The following SDK1 variants were observed in gnomAD, a reference collection of about 807,000 sequenced individuals.
SDK1 encodes sidekick cell adhesion molecule 1.
A neutral mutation model predicts 245.5 loss-of-function variants in SDK1; 157 were observed. The observed-to-expected ratio is 0.64, with a 90% CI of 0.56 to 0.73. The LOEUF (loss-of-function observed/expected upper bound fraction) is 0.73. Ranked by LOEUF, SDK1 falls within the 30% of genes least tolerant of loss-of-function variation. SDK1 has a pLI of 0.00. For synonymous variants in SDK1, 1,647 were observed against 1,278.5 expected (o/e 1.29, Z -6.15); for missense variants, 3,583 against 3,002.3 (o/e 1.19, Z -4.52).
intron 4 of SDK1, among the ~76,000 whole-genome samples, chr7:3,772,533 C>T (rs186495679): frequency 1.3e-5 from 2 of 152,272 alleles, no homozygotes; most frequent in Admixed American, 1.3e-4. Flanking sequence ...TACAATGATA[C>T]TAGCTTTTAG....
intron 35 of SDK1, among the ~76,000 whole-genome samples, chr7:4,203,641 T>C (rs1784021270): frequency 6.6e-6 from 1 of 152,076 alleles, no homozygotes; most frequent in African/African-American, 2.4e-5. Context: ...TCTCCCAAAC[T>C]GCACACGCTT....
chr7:3,965,105 G>A (rs1489672073), intron 9 of SDK1, among the ~76,000 whole-genome samples: 1 of 152,120 alleles, frequency 6.6e-6, no homozygotes, highest in Non-Finnish European at 1.5e-5. Flanking sequence ...GAAGGATGTG[G>A]CCTACTCAGC....
At chr7:3,655,664 G>C (rs1028833143) in intron 4 of SDK1, among the ~76,000 whole-genome samples, 4 of 151,562 alleles carry the variant, frequency 2.6e-5, no homozygotes, top group Middle Eastern at 3.4e-3. Flanking sequence ...ACTTAAAACA[G>C]CACCTGGTCA....
intron 4 of SDK1, among the ~76,000 whole-genome samples, chr7:3,651,727 G>A (rs1450701953): frequency 3.9e-5 from 6 of 152,158 alleles, no homozygotes; most frequent in Non-Finnish European, 7.4e-5. Flanking sequence ...ACATATTATG[G>A]TGTAACTGCA....
intron 5 of SDK1, among the ~76,000 whole-genome samples, chr7:3,890,566 G>T (rs1781435006): frequency 6.6e-6 from 1 of 151,914 alleles, no homozygotes; most frequent in African/African-American, 2.4e-5. Context: ...TATAAGAAAA[G>T]ATAACACTTG....
At position 4,049,347 on chromosome 7, in the gene SDK1, G is replaced by C. The variant is rs2128165721; in HGVS notation, c.2603-1G>C. The C allele has an allele frequency of 6.2e-7, 1 of 1,613,358 alleles. No homozygotes were observed. The highest frequency in any genetic ancestry group is 2.2e-5 in the East Asian group (1 of 44,884). ...TGTCATCAATGACTGCCCTGCCACA[G>C]TGCCCACCGCGCCCCCGCAGAACGT... On this transcript the variant is annotated splice_acceptor_variant, in intron 17 of 44. Transcript: ENST00000404826. LOFTEE classifies it high-confidence loss of function.
chr7:3,340,530 A>G (rs11973959), intron 1 of SDK1, among the ~76,000 whole-genome samples: 21,896 of 152,172 alleles, frequency 0.14, 2,425 homozygotes, highest in African/African-American at 0.31. Flanking sequence ...TGGGAGGCCA[A>G]GGTGGGTGGC....
chr7:4,127,419 G>A lies in SDK1; in HGVS notation c.3862G>A (p.Val1288Ile). 1 of 1,614,226 alleles carries A rather than the reference G, an allele frequency of 6.2e-7. No individual in the cohort carries two copies. The highest frequency in any genetic ancestry group is 8.5e-7 in the Non-Finnish European group (1 of 1,180,030). The change falls in exon 26 of 45, where the codon GTC becomes ATC. Residue 1288 changes from valine (V) to isoleucine (I), a missense_variant. Transcript: ENST00000404826. ...AAPENVSAEA[V>I]SSTQILLTWT... is the part of the protein sequence containing the mutation. ...CCCTGAGAACGTGTCAGCCGAGGCT[G>A]TCAGCTCGACCCAGATTTTACTGAC...
chr7:3,468,917 G>A (rs1781095422), intron 1 of SDK1, among the ~76,000 whole-genome samples: 1 of 152,016 alleles, frequency 6.6e-6, no homozygotes, highest in African/African-American at 2.4e-5. Flanking sequence ...GGGTGAAGGG[G>A]GTAGGTTTCC....
At chr7:3,672,070 G>A (rs1264945234) in intron 4 of SDK1, among the ~76,000 whole-genome samples, 1 of 152,092 alleles carries the variant, frequency 6.6e-6, no homozygotes, top group South Asian at 2.1e-4. Flanking sequence ...CCATGATATG[G>A]GACACAGGGT....
intron 1 of SDK1, among the ~76,000 whole-genome samples, chr7:3,487,024 C>T (rs553320249): frequency 9.9e-5 from 15 of 152,186 alleles, no homozygotes; most frequent in East Asian, 7.7e-4. Context: ...TGTAATGGGC[C>T]GGATGGCTTC....
At chr7:4,186,498 G>A (rs1782902750) in intron 35 of SDK1, among the ~76,000 whole-genome samples, 1 of 152,192 alleles carries the variant, frequency 6.6e-6, no homozygotes, top group South Asian at 2.1e-4. Flanking sequence ...GGAGCCTGTG[G>A]CCTCGTGGTT....
chr7:3,852,488 C>G (rs1277109364), intron 5 of SDK1, among the ~76,000 whole-genome samples: 1 of 151,664 alleles, frequency 6.6e-6, no homozygotes, highest in Admixed American at 6.6e-5. Context: ...TGGCTCACAC[C>G]TGTAATCCCA....
chr7:3,773,797 C>T (rs1780471991), intron 4 of SDK1, among the ~76,000 whole-genome samples: 1 of 152,198 alleles, frequency 6.6e-6, no homozygotes, highest in African/African-American at 2.4e-5. Flanking sequence ...TGAGCCTCTG[C>T]CTTTTGCTGG....
At chr7:3,851,248 C>G (rs1780412027) in intron 5 of SDK1, among the ~76,000 whole-genome samples, 1 of 152,078 alleles carries the variant, frequency 6.6e-6, no homozygotes, top group Admixed American at 6.6e-5. Flanking sequence ...GAGACAATGT[C>G]TTTCTTGAAG....
chr7:3,931,695 A>G (rs903789226), intron 5 of SDK1, among the ~76,000 whole-genome samples: 1 of 152,290 alleles, frequency 6.6e-6, no homozygotes, highest in East Asian at 1.9e-4. Context: ...GATTTGAGCT[A>G]TGCTGGTTAC....
chr7:4,220,203 T>C lies in SDK1; in HGVS notation c.5634T>C (p.Arg1878=). The C allele has an allele frequency of 6.2e-7, 1 of 1,614,064 alleles. No individual in the cohort carries two copies. The highest frequency in any genetic ancestry group is 1.3e-5 in the African/African-American group (1 of 75,030). ...CCAAGGGAGTGACCTATTTCTTCCGTGTCCAAGCGCGGACCATCACCTACG... is the reference window on the plus strand; with the variant it reads ...CCAAGGGAGTGACCTATTTCTTCCGCGTCCAAGCGCGGACCATCACCTACG... ...DLTKGVTYFF[R]VQARTITYGP... is the part of the protein sequence containing the mutation. Residue 1878 remains arginine, a synonymous_variant, in exon 39 of 45, where the codon CGT becomes CGC. Coordinates refer to ENST00000404826, the MANE Select transcript of SDK1 (RefSeq NM_152744.4).
rs539864518 is a variant in SDK1, at chr7:4,100,018, C to G, written c.3325-10645C>G. 3.3e-5 allele frequency among the ~76,000 whole-genome samples: 5 copies of G among 152,322 alleles called. No homozygotes were observed. In the East Asian group the frequency reaches 9.7e-4, roughly 30 times the overall value. The stretch of plus-strand genomic sequence containing the variant: ...GCTCAGTGTCTCTCGAACGTAGGCC[C>G]AGCCAGGCCTCATGCCCCAGAGATT... On this transcript the variant is annotated intron_variant, in intron 22 of 44. Transcript: ENST00000404826.
intron 1 of SDK1, among the ~76,000 whole-genome samples, chr7:3,527,883 A>G (rs1409761227): frequency 5.7e-4 from 56 of 97,880 alleles, no homozygotes; most frequent in Middle Eastern, 9.4e-3. Flanking sequence ...TCAGCTAGAG[A>G]GTGAATGGTA....
Sources: gnomAD v4.1 joint callset for allele counts (sites outside exome capture counted in the v4.1 genomes callset) on GRCh38, gnomAD v4.1.1 for gene constraint, MANE v1.5 for transcripts, NCBI Gene and HGNC (gene_info 2026-07-23, HGNC 2026-07-21) for gene names.